CD163L1: variants seen among roughly 807,000 people sequenced by gnomAD.
The protein encoded by CD163L1 is CD163 molecule like 1, also known as scavenger receptor cysteine-rich type 1 protein M160.
In CD163L1, 124 loss-of-function variants were observed where a neutral mutation model predicts 165.4. That is an observed-to-expected ratio of 0.75 (90% confidence interval 0.65 to 0.87). The LOEUF is 0.87. CD163L1 is among the 40% of genes least tolerant of loss of function. The pLI, the probability that CD163L1 is intolerant of heterozygous loss-of-function variation, is 0.00. For synonymous variants in CD163L1, 585 were observed against 662.2 expected, an observed-to-expected ratio of 0.88 and a Z score of 1.79; for missense variants, 1,525 against 1,799.9, an observed-to-expected ratio of 0.85 and a Z score of 2.76.
intron 9 of CD163L1, among the ~76,000 whole-genome samples, chr12:7,377,652 C>G (rs1158851653): frequency 6.6e-6 from 1 of 152,094 alleles, no homozygotes; most frequent in Non-Finnish European, 1.5e-5. Context: ...TGTAGCTAAG[C>G]TTAGTGGAAA....
intron 2 of CD163L1, among the ~76,000 whole-genome samples, chr12:7,434,736 G>GAA (rs1173578244): frequency 2.0e-5 from 3 of 152,030 alleles, no homozygotes; most frequent in Non-Finnish European, 2.9e-5. Context: ...GACAGAGAGA[G>GAA]AAACAGGGAG....
At chr12:7,401,341 A>T (rs1947912203) in intron 6 of CD163L1, among the ~76,000 whole-genome samples, 1 of 152,064 alleles carries the variant, frequency 6.6e-6, no homozygotes, top group Admixed American at 6.6e-5. Context: ...AAAATATGAA[A>T]ATATTCAGTG....
chr12:7,440,596 A>G (rs1031681836), intron 2 of CD163L1, among the ~76,000 whole-genome samples: 3 of 149,516 alleles, frequency 2.0e-5, no homozygotes, highest in Admixed American at 6.7e-5. Context: ...TCAGTGAGAC[A>G]TTTTACGTTT....
chr12:7,320,929 C>A, the CD163L1 span: 6 of 844,914 alleles, frequency 7.1e-6, no homozygotes, highest in East Asian at 2.7e-5. Context: ...CATTTTGAAC[C>A]GAATAATTCT....
At position 7,426,666 on chromosome 12, in the gene CD163L1, C is replaced by T. The variant is rs185072490; in HGVS notation, c.766+5750G>A. 1.6e-4 allele frequency among the ~76,000 whole-genome samples: 24 copies of T among 152,084 alleles called. No individual in the cohort carries two copies. In the East Asian group the frequency reaches 2.7e-3, roughly 17 times the overall value. On this transcript the variant is annotated intron_variant, in intron 4 of 19. Coordinates refer to ENST00000313599, the MANE Select transcript of CD163L1 (RefSeq NM_174941.6). ...AACCAGGTTGATAGGTGCAGCAAAC[C>T]GCCCTGGCACATGTCTACCCATGTA...
intron 8 of CD163L1, among the ~76,000 whole-genome samples, chr12:7,389,191 A>C (rs1366407336): frequency 1.3e-5 from 2 of 152,188 alleles, no homozygotes; most frequent in Non-Finnish European, 2.9e-5. Flanking sequence ...ACTGTTCCCC[A>C]CAGTGGTTGT....
rs1946948466 is a variant in CD163L1, at chr12:7,363,440, AAT to A, written c.4279+3794_4279+3795del. On this transcript the variant is annotated intron_variant, in intron 18 of 19. Coordinates refer to ENST00000313599, the MANE Select transcript of CD163L1 (RefSeq NM_174941.6). ...AAGAAATAATAATAATAATCAGAGA[AAT>A]AAATTAAATTGAGACTTAAAATCTA... 2.0e-5 allele frequency among the ~76,000 whole-genome samples: 3 copies of A among 151,106 alleles called. No homozygotes were observed. In the South Asian group the frequency reaches 6.3e-4, roughly 32 times the overall value.
intron 4 of CD163L1, among the ~76,000 whole-genome samples, chr12:7,422,680 CATAT>C (rs1948461269): frequency 6.7e-6 from 1 of 148,500 alleles, no homozygotes; most frequent in Non-Finnish European, 1.5e-5. Flanking sequence ...ATAACTATCT[CATAT>C]ATATTCATAT....
the CD163L1 span, among the ~76,000 whole-genome samples, chr12:7,334,977 C>G: frequency 1.1e-4 from 16 of 152,148 alleles, no homozygotes; most frequent in Middle Eastern, 3.4e-3. Flanking sequence ...AACCACTGCT[C>G]AATGAAATAA....
chr12:7,327,008 C>G, the CD163L1 span: 6 of 1,612,382 alleles, frequency 3.7e-6, no homozygotes, highest in African/African-American at 5.3e-5. Flanking sequence ...TAGCTGCACC[C>G]TTTAAGTCCT....
intron 9 of CD163L1, among the ~76,000 whole-genome samples, chr12:7,378,750 G>A (rs1301994426): frequency 2.6e-5 from 4 of 151,940 alleles, no homozygotes; most frequent in Non-Finnish European, 5.9e-5. Flanking sequence ...TTCTAATTAT[G>A]CCTTCTCATT....
intron 4 of CD163L1, among the ~76,000 whole-genome samples, chr12:7,349,841 CAG>C (rs984442486): frequency 6.6e-6 from 1 of 152,176 alleles, no homozygotes; most frequent in African/African-American, 2.4e-5. Context: ...GACTTTCTCA[CAG>C]AAAGTATCTC....
intron 7 of CD163L1, among the ~76,000 whole-genome samples, chr12:7,397,159 C>T (rs991123545): frequency 1.3e-5 from 2 of 152,140 alleles, no homozygotes; most frequent in Admixed American, 1.3e-4. Context: ...CAAATACTTA[C>T]AGTAGGCAAA....
chr12:7,438,908 T>C (rs1229215386), intron 2 of CD163L1: 2 of 1,601,388 alleles, frequency 1.2e-6, no homozygotes, highest in African/African-American at 1.3e-5. Flanking sequence ...TTGATTCCTC[T>C]GCTTTTTAGG....
the CD163L1 span, among the ~76,000 whole-genome samples, chr12:7,324,910 T>C: frequency 1.3e-5 from 2 of 152,186 alleles, no homozygotes; most frequent in Non-Finnish European, 2.9e-5. Flanking sequence ...TCATGTGAGG[T>C]TGGCAAGATT....
chr12:7,440,326 C>A (rs1309715773), intron 2 of CD163L1, among the ~76,000 whole-genome samples: 1 of 151,362 alleles, frequency 6.6e-6, no homozygotes, highest in African/African-American at 2.4e-5. Context: ...GGACCTGGAG[C>A]CGCCGCCGCC....
chr12:7,356,808 T>C (rs1407655852), intron 19 of CD163L1, among the ~76,000 whole-genome samples: 1 of 152,128 alleles, frequency 6.6e-6, no homozygotes, highest in Non-Finnish European at 1.5e-5. Context: ...AGTAAGTGTT[T>C]TAGAACTGCC....
the CD163L1 span, among the ~76,000 whole-genome samples, chr12:7,337,563 CAA>C: frequency 8.8e-3 from 1,340 of 151,564 alleles, 17 homozygotes; most frequent in African/African-American, 0.031. Context: ...ACAAACATAC[CAA>C]AAAAAGATCA....
chr12:7,341,743 A>G (rs141310618), downstream of CD163L1, among the ~76,000 whole-genome samples: 16 of 152,298 alleles, frequency 1.1e-4, no homozygotes, highest in East Asian at 2.7e-3. Context: ...GAAAGTGACA[A>G]AAGAACCCAG....
Sources: allele counts gnomAD v4.1 joint callset (sites outside exome capture counted in the v4.1 genomes callset), GRCh38; gene constraint gnomAD v4.1.1; transcripts MANE v1.5; gene names NCBI Gene and HGNC (gene_info 2026-07-23, HGNC 2026-07-21).